Variants in ZBTB20 observed in about 807,000 individuals in gnomAD.
ZBTB20 encodes the protein zinc finger and BTB domain-containing protein 20.
Under a neutral mutation model 56.9 loss-of-function variants are expected in ZBTB20, and 9 were observed. The observed-to-expected ratio is 0.16, with a 90% CI of 0.10 to 0.28. The LOEUF (loss-of-function observed/expected upper bound fraction) is 0.28, where lower values mean the gene tolerates loss of function less well. Among genes scored for constraint, ZBTB20 ranks in the 10% least tolerant of loss-of-function variants. The pLI is 1.00. For synonymous variants in ZBTB20, 417 were observed against 420.7 expected (o/e 0.99, Z 0.11); for missense variants, 655 against 1,003.0 (o/e 0.65, Z 4.69).
At chr3:114,386,901 C>T (rs1187907908) in intron 8 of ZBTB20, among the ~76,000 whole-genome samples, 1 of 152,084 alleles carries the variant, frequency 6.6e-6, no homozygotes, top group African/African-American at 2.4e-5. Context: ...CCTATTATGT[C>T]GAATTGCCAT....
intron 7 of ZBTB20, among the ~76,000 whole-genome samples, chr3:114,405,946 A>T (rs560139211): frequency 1.5e-3 from 215 of 145,672 alleles, no homozygotes; most frequent in Non-Finnish European, 1.2e-3. Context: ...ATTTTTTTTT[A>T]AAAAACAGCT....
At chr3:114,794,044 A>C (rs529516040) in intron 5 of ZBTB20, among the ~76,000 whole-genome samples, 15 of 151,968 alleles carry the variant, frequency 9.9e-5, no homozygotes, top group Admixed American at 9.9e-4. Flanking sequence ...ATTTAAAAAC[A>C]CCAAGCAGGA....
At chr3:114,871,197 C>T (rs1010630224) in intron 4 of ZBTB20, among the ~76,000 whole-genome samples, 13 of 152,228 alleles carry the variant, frequency 8.5e-5, no homozygotes, top group African/African-American at 2.9e-4. Flanking sequence ...ATCTCCCCTG[C>T]CCCATCTCCC....
At chr3:114,871,073 T>C (rs2075988608) in intron 4 of ZBTB20, among the ~76,000 whole-genome samples, 1 of 150,710 alleles carries the variant, frequency 6.6e-6, no homozygotes, top group Non-Finnish European at 1.5e-5. Context: ...AGAAGTCTTT[T>C]CTGTGATACA....
intron 5 of ZBTB20, among the ~76,000 whole-genome samples, chr3:114,704,947 C>G (rs370955971): frequency 3.3e-5 from 5 of 152,188 alleles, no homozygotes; most frequent in Non-Finnish European, 5.9e-5. Flanking sequence ...TGTAAACAAA[C>G]AACATTCACT....
At chr3:115,043,967 G>A (rs1293024854) in intron 2 of ZBTB20, among the ~76,000 whole-genome samples, 1 of 152,056 alleles carries the variant, frequency 6.6e-6, no homozygotes, top group Non-Finnish European at 1.5e-5. Context: ...ATGAGATCTG[G>A]TTGCTTAAAT....
In ZBTB20 at chr3:114,748,279, C is replaced by CTTTCT. The variant is rs1553807144; in HGVS notation, c.-343+52821_-343+52822insAGAAA. Among the ~76,000 whole-genome samples the CTTTCT allele has an allele frequency of 8.9e-3, 935 of 104,558 alleles. 10 individuals are homozygous for CTTTCT. Among genetic ancestry groups the CTTTCT allele is most frequent in the East Asian group, 0.042 (136 of 3,258 alleles). 68.6% of individuals were successfully genotyped at this position (104,558 alleles called of 152,430 possible). A position where few individuals can be genotyped will look rare whatever the true frequency, so the allele number is the denominator to read the frequency against. On this transcript the variant is annotated intron_variant, in intron 5 of 11. Coordinates refer to ENST00000675478, the MANE Select transcript of ZBTB20 (RefSeq NM_001348800.3). ...GATGGTTCTGGGGTTTTTGTTGTAG[C>CTTTCT]TTCTTTCTTTCTTTCTTTCTTTCTT...
At chr3:114,838,546 C>CT (rs907124527) in intron 4 of ZBTB20, among the ~76,000 whole-genome samples, 5 of 151,408 alleles carry the variant, frequency 3.3e-5, no homozygotes, top group African/African-American at 1.2e-4. Flanking sequence ...CATGGTGTGA[C>CT]TGGGGGGGGA....
rs1337986239 is a variant in ZBTB20, at chr3:114,955,784, C to T, written c.-456+18582G>A. ...GGGTAAGGTTAAACCAACAAACAAA[C>T]AAACAAAAAAATGGAGGTGGGGGGT... On this transcript the variant is annotated intron_variant, in intron 3 of 11. Transcript: ENST00000675478. Among the ~76,000 whole-genome samples the T allele has an allele frequency of 2.6e-5, 4 of 151,954 alleles. No individual in the cohort carries two copies. The East Asian group carries it at 7.7e-4, about 29-fold the overall frequency.
chr3:114,609,394 CAATT>C (rs938619897), intron 6 of ZBTB20, among the ~76,000 whole-genome samples: 2 of 152,178 alleles, frequency 1.3e-5, no homozygotes, highest in Non-Finnish European at 2.9e-5. Context: ...ACAAATTGCA[CAATT>C]AATTCCCACT....
intron 2 of ZBTB20, among the ~76,000 whole-genome samples, chr3:115,003,768 C>T (rs1009467349): frequency 1.3e-5 from 2 of 151,500 alleles, no homozygotes; most frequent in Non-Finnish European, 3.0e-5. Context: ...TTCAATATTA[C>T]CTGTCTAGTG....
intron 7 of ZBTB20, among the ~76,000 whole-genome samples, chr3:114,484,177 T>C (rs773480429): frequency 5.9e-5 from 9 of 152,216 alleles, no homozygotes; most frequent in Admixed American, 2.6e-4. Context: ...TGTTTCTATA[T>C]GGAAAATTAC....
At chr3:115,050,954 T>C (rs997157012) in intron 2 of ZBTB20, among the ~76,000 whole-genome samples, 1 of 152,110 alleles carries the variant, frequency 6.6e-6, no homozygotes, top group Non-Finnish European at 1.5e-5. Flanking sequence ...GTTTTTAAAA[T>C]AATGATCTAT....
rs1404365843 is a variant in ZBTB20 at position 114,314,551 on chromosome 3, G to T, written c.*24454C>A. Reference sequence around the variant, plus strand: ...CCTTCATATTCAAACTTCACAAACAGTGTGAACTTGTACAATACCTCGGAA... The same window carrying T: ...CCTTCATATTCAAACTTCACAAACATTGTGAACTTGTACAATACCTCGGAA... On this transcript the variant is annotated 3_prime_UTR_variant, in exon 12 of 12. Coordinates refer to ENST00000675478, the MANE Select transcript of ZBTB20 (RefSeq NM_001348800.3). 2 of 148,630 alleles carry T rather than the reference G, an allele frequency of 1.3e-5. No individual in the cohort carries two copies. The highest frequency in any genetic ancestry group is 3.0e-5 in the Non-Finnish European group (2 of 67,428). 9.2% of individuals were successfully genotyped at this position (148,630 alleles called of 1,614,324 possible).
intron 10 of ZBTB20, among the ~76,000 whole-genome samples, chr3:114,357,780 T>A (rs2081404171): frequency 6.6e-6 from 1 of 152,224 alleles, no homozygotes. Context: ...ATTGCATTAC[T>A]CTGATGCATA....
chr3:114,651,989 G>T (rs2060161366), intron 6 of ZBTB20, among the ~76,000 whole-genome samples: 1 of 152,006 alleles, frequency 6.6e-6, no homozygotes, highest in Admixed American at 6.5e-5. Context: ...AGCACTTCAG[G>T]TGAGAGTTGA....
chr3:114,801,590 T>C (rs1276149261), intron 4 of ZBTB20, among the ~76,000 whole-genome samples: 1 of 151,820 alleles, frequency 6.6e-6, no homozygotes, highest in Non-Finnish European at 1.5e-5. Context: ...TCTATGGGTC[T>C]GAATACACAT....
At chr3:114,369,872 T>A (rs1442749167) in intron 10 of ZBTB20, among the ~76,000 whole-genome samples, 1 of 152,222 alleles carries the variant, frequency 6.6e-6, no homozygotes, top group African/African-American at 2.4e-5. Context: ...GTTTTAAAAA[T>A]TGTTAAGATG....
At chr3:114,607,594 C>T (rs558473874) in intron 6 of ZBTB20, among the ~76,000 whole-genome samples, 8 of 152,222 alleles carry the variant, frequency 5.3e-5, no homozygotes, top group South Asian at 2.1e-4. Flanking sequence ...TGAGCCATCA[C>T]GCCCAGCCTC....
Sources: gnomAD v4.1 joint callset for allele counts (sites outside exome capture counted in the v4.1 genomes callset) on GRCh38, gnomAD v4.1.1 for gene constraint, MANE v1.5 for transcripts, NCBI Gene and HGNC (gene_info 2026-07-23, HGNC 2026-07-21) for gene names.